PFKFB3: variants seen among roughly 807,000 people sequenced by gnomAD.
PFKFB3 encodes 6-phosphofructo-2-kinase/fructose-2,6-bisphosphatase 3.
Under a neutral mutation model 68.0 loss-of-function variants are expected in PFKFB3, and 33 were observed. That is an observed-to-expected ratio of 0.49 (90% CI 0.37 to 0.65). The LOEUF (loss-of-function observed/expected upper bound fraction) is 0.65. Ranked by LOEUF, PFKFB3 falls within the 30% of genes least tolerant of loss-of-function variation. The pLI, the probability that PFKFB3 is intolerant of heterozygous loss-of-function variation, is 0.00. For synonymous variants in PFKFB3, 315 were observed against 288.2 expected, an observed-to-expected ratio of 1.09 and a Z score of -0.94; for missense variants, 586 against 712.2, an observed-to-expected ratio of 0.82 and a Z score of 2.02.
chr10:6,181,776 C>T (rs899720704), intron 1 of PFKFB3, among the ~76,000 whole-genome samples: 8 of 126,818 alleles, frequency 6.3e-5, no homozygotes, highest in East Asian at 2.4e-4. Flanking sequence ...CCAGCCTGGG[C>T]GATAGAGTAA....
intron 1 of PFKFB3, among the ~76,000 whole-genome samples, chr10:6,153,087 C>G (rs1473233660): frequency 6.6e-6 from 1 of 151,684 alleles, no homozygotes; most frequent in Non-Finnish European, 1.5e-5. Context: ...GAGGCTAAGG[C>G]AGGAGAATTG....
At chr10:6,304,685 CTTT>C in the PFKFB3 span, among the ~76,000 whole-genome samples, 4 of 133,526 alleles carry the variant, frequency 3.0e-5, no homozygotes, top group Admixed American at 7.8e-5. Flanking sequence ...ATATTAGGAA[CTTT>C]TTTTTTTTTT....
intron 1 of PFKFB3, among the ~76,000 whole-genome samples, chr10:6,145,425 G>C (rs1009067783): frequency 1.2e-4 from 19 of 152,306 alleles, no homozygotes; most frequent in African/African-American, 4.3e-4. Flanking sequence ...CCCGAGCCGG[G>C]GGCGGCACTT....
At chr10:6,227,943 A>C (rs1845463512) in intron 14 of PFKFB3, among the ~76,000 whole-genome samples, 1 of 151,410 alleles carries the variant, frequency 6.6e-6, no homozygotes, top group Non-Finnish European at 1.5e-5. Flanking sequence ...GCTTGGGGGG[A>C]CCAGGCTGGG....
chr10:6,158,441 G>A (rs1841872434), intron 1 of PFKFB3, among the ~76,000 whole-genome samples: 2 of 152,326 alleles, frequency 1.3e-5, no homozygotes, highest in African/African-American at 4.8e-5. Flanking sequence ...CGGTAGAAAT[G>A]AGGAAGCCTG....
intron 1 of PFKFB3, among the ~76,000 whole-genome samples, chr10:6,175,282 G>A (rs1467839781): frequency 6.6e-6 from 1 of 152,142 alleles, no homozygotes; most frequent in Non-Finnish European, 1.5e-5. Context: ...GTCTTGCTCC[G>A]TCCCCTCTCT....
the PFKFB3 span, among the ~76,000 whole-genome samples, chr10:6,263,167 T>C: frequency 3.3e-5 from 5 of 152,214 alleles, no homozygotes; most frequent in African/African-American, 1.2e-4. Context: ...TCTATAGATA[T>C]TAAATTAACT....
intron 1 of PFKFB3, among the ~76,000 whole-genome samples, chr10:6,203,776 G>T (rs1203362873): frequency 6.6e-6 from 1 of 152,186 alleles, no homozygotes; most frequent in Admixed American, 6.5e-5. Context: ...GCCTTGCTAT[G>T]CATTCCTATC....
chr10:6,249,868 G>A (rs1351934650), intron 14 of PFKFB3, among the ~76,000 whole-genome samples: 2 of 152,250 alleles, frequency 1.3e-5, no homozygotes, highest in Non-Finnish European at 2.9e-5. Context: ...AGTATTTGAG[G>A]TGACGTATAT....
At position 6,158,149 on chromosome 10, in the gene PFKFB3, C is replaced by T. The variant is rs191462309; in HGVS notation, c.16+13136C>T. 4.9e-3 allele frequency among the ~76,000 whole-genome samples: 738 copies of T among 151,792 alleles called. 5 individuals carry two copies. Among genetic ancestry groups the T allele is most frequent in the Non-Finnish European group, 7.0e-3 (476 of 67,912 alleles). On this transcript the variant is annotated intron_variant, in intron 1 of 14. Transcript: ENST00000379789. ...AAATAAAAAAAAAAAATTAGCCGGGCGTGGTGGCGGGCGCCTGTGGTCCCA... is the reference window on the plus strand; with the variant it reads ...AAATAAAAAAAAAAAATTAGCCGGGTGTGGTGGCGGGCGCCTGTGGTCCCA...
At chr10:6,204,468 C>T (rs114429147) in intron 1 of PFKFB3, among the ~76,000 whole-genome samples, 6,264 of 152,334 alleles carry the variant, frequency 0.041, 162 homozygotes, top group East Asian at 0.13. Context: ...CTCCTGGAGC[C>T]CTGCTCGGTC....
chr10:6,164,536 G>A (rs1161679861), intron 1 of PFKFB3, among the ~76,000 whole-genome samples: 1 of 152,178 alleles, frequency 6.6e-6, no homozygotes, highest in Non-Finnish European at 1.5e-5. Context: ...CAGGTGGGAG[G>A]AGATACTGAG....
At chr10:6,210,418 T>C (rs181840622) in intron 1 of PFKFB3, among the ~76,000 whole-genome samples, 2 of 99,112 alleles carry the variant, frequency 2.0e-5, no homozygotes, top group East Asian at 5.2e-4. Context: ...TGGAGTGCAG[T>C]GGCGCTATCT....
chr10:6,256,094 C>T (rs78124809), downstream of PFKFB3, among the ~76,000 whole-genome samples: 471 of 152,330 alleles, frequency 3.1e-3, 2 homozygotes, highest in African/African-American at 0.011. Context: ...ATTCCGCCCC[C>T]GGCCCCATCA....
chr10:6,307,274 A>G, the PFKFB3 span, among the ~76,000 whole-genome samples: 2 of 152,044 alleles, frequency 1.3e-5, no homozygotes, highest in Admixed American at 1.3e-4. Flanking sequence ...CCAGTTCATT[A>G]TAATAAACCA....
intron 8 of PFKFB3, 86 bp from the exon 9 acceptor site, chr10:6,221,295 C>A: frequency 6.6e-7 from 1 of 1,522,902 alleles, no homozygotes. Flanking sequence ...TAGTGCACAG[C>A]CCTACGTGGG....
At position 6,191,652 on chromosome 10, in the gene PFKFB3, G is replaced by A. The variant is rs1843025357; in HGVS notation, c.17-21971G>A. On this transcript the variant is annotated intron_variant, in intron 1 of 14. Coordinates refer to the PFKFB3 transcript ENST00000379789. ...GCGAGTTTGAGTCGCAGCTGTTGGG[G>A]AAGTCCCTCTGGAATGGTTTCGACA... 1.3e-5 allele frequency among the ~76,000 whole-genome samples: 2 copies of A among 152,236 alleles called. 1 individual carries two copies. Among genetic ancestry groups the A allele is most frequent in the Non-Finnish European group, 2.9e-5 (2 of 68,040 alleles).
chr10:6,216,114 G>A lies in PFKFB3; in HGVS notation c.300-11G>A. The A allele has an allele frequency of 2.5e-6, 4 of 1,613,766 alleles. No homozygotes were observed. Among genetic ancestry groups the A allele is most frequent in the Non-Finnish European group, 2.5e-6 (3 of 1,179,680 alleles). ...GGCGCTGACATTCGGGCAATGTCTT[G>A]TGCATTCCAGGCAATGTGCCTTAGC... is the stretch of plus-strand genomic sequence containing the variant. On this transcript the variant is annotated splice_polypyrimidine_tract_variant and intron_variant, in intron 3 of 14. Transcript: ENST00000379775.
intron 1 of PFKFB3, among the ~76,000 whole-genome samples, chr10:6,196,891 C>T (rs957548851): frequency 2.4e-4 from 37 of 152,050 alleles, no homozygotes; most frequent in Non-Finnish European, 4.4e-4. Flanking sequence ...ATCCTCCCCC[C>T]GTCACGCTCC....
Sources: gnomAD v4.1 joint callset for allele counts (sites outside exome capture counted in the v4.1 genomes callset) on GRCh38, gnomAD v4.1.1 for gene constraint, MANE v1.5 for transcripts, NCBI Gene and HGNC (gene_info 2026-07-23, HGNC 2026-07-21) for gene names.